Variants in VAV1 observed in about 807,000 individuals in gnomAD.
VAV1 encodes the protein proto-oncogene vav.
Under a neutral mutation model 128.1 loss-of-function variants are expected in VAV1, and 33 were observed. The ratio of observed to expected loss-of-function variants is 0.26; its 90% confidence interval spans 0.20 to 0.34. VAV1 has a LOEUF of 0.34. VAV1 is among the 10% of genes least tolerant of loss of function. The probability of loss-of-function intolerance (pLI) is 1.00; values close to 1 mark genes in which losing one functional copy is unlikely to be tolerated. For synonymous variants in VAV1, 394 were observed against 409.8 expected (o/e 0.96, Z 0.47); for missense variants, 715 against 1,093.7 (o/e 0.65, Z 4.88).
At chr19:6,842,037 C>T (rs926977290) in intron 21 of VAV1, among the ~76,000 whole-genome samples, 13 of 151,598 alleles carry the variant, frequency 8.6e-5, no homozygotes, top group African/African-American at 2.9e-4. Flanking sequence ...ACCAGCCCGA[C>T]CAACATGGAA....
intron 1 of VAV1, among the ~76,000 whole-genome samples, chr19:6,813,793 CCTGTAATCTCAGCA>C (rs1434724980): frequency 1.3e-4 from 20 of 152,080 alleles, no homozygotes; most frequent in African/African-American, 4.3e-4. Flanking sequence ...GTGGCTCATA[CCTGTAATCTCAGCA>C]CTTTGAGAGC....
chr19:6,847,259 T>C (rs1489339623), intron 22 of VAV1, among the ~76,000 whole-genome samples: 1 of 152,178 alleles, frequency 6.6e-6, no homozygotes, highest in Non-Finnish European at 1.5e-5. Flanking sequence ...CACTGCCGTT[T>C]AGCTCCAAAA....
At position 6,814,675 on chromosome 19, in the gene VAV1, T is replaced by TTC. The variant is rs1568299213; in HGVS notation, c.205-6027_205-6026insTC. On this transcript the variant is annotated intron_variant, in intron 1 of 26. Transcript: ENST00000602142. The stretch of plus-strand genomic sequence containing the variant: ...TCCTTCCTTCCTTCCTTCCTTCCTT[T>TTC]CTTTCTTTCTTTCTTTCTTTCTTTC... Among the ~76,000 whole-genome samples, 356 of 76,898 alleles carry TTC rather than the reference T, an allele frequency of 4.6e-3. 1 individual carries two copies. Among genetic ancestry groups the TTC allele is most frequent in the African/African-American group, 0.017 (219 of 12,550 alleles). The allele number at this position is 76,898 out of a possible 152,430, so 50.4% of individuals were successfully genotyped here.
In VAV1 at chr19:6,828,452, A is replaced by G. The variant is rs746412253; in HGVS notation, c.1057A>G (p.Lys353Glu). Residue 353 changes from lysine to glutamate, a missense_variant, in exon 11 of 27, where the codon AAG (lysine) becomes GAG (glutamate). Lys to Glu is a moderately conservative substitution (Grantham distance 56). Coordinates refer to ENST00000602142, the MANE Select transcript of VAV1 (RefSeq NM_005428.4). The surrounding 1 kb of genome is among the most constrained non-coding windows in gnomAD (Gnocchi z 4.5). The stretch of plus-strand genomic sequence containing the variant: ...GAAACACACGCAGGAGGCGATGGAG[A>G]AGGAGAACCTGCGGCTGGCCCTGGA... ...LVKHTQEAMEKENLRLALDAM... is the reference protein window; with the variant it reads ...LVKHTQEAMEEENLRLALDAM... The G allele has an allele frequency of 5.6e-6, 9 of 1,613,968 alleles. No homozygotes were observed.
chr19:6,856,166 G>A lies in VAV1; in HGVS notation c.2485-888G>A, dbSNP rs1037265586. ...AAAAAAATTAGCTGGGCATTGTGGC[G>A]TGCGCCTCTAATCCCAGGTACTCGT... On this transcript the variant is annotated intron_variant, in intron 26 of 26. Transcript: ENST00000602142. Among the ~76,000 whole-genome samples, 42 of 152,092 alleles carry A rather than the reference G, an allele frequency of 2.8e-4. 1 individual carries two copies. The highest frequency in any genetic ancestry group is 7.4e-5 in the Non-Finnish European group (5 of 68,014).
chr19:6,820,906 C>A lies in VAV1; in HGVS notation c.321+88C>A. ...GGGCAAGCTAAGGACTGTCAGGGGA[C>A]AGGCAGACAAGCCAGACCAGGCCAT... is the stretch of plus-strand genomic sequence containing the variant. On this transcript the variant is annotated intron_variant, in intron 2 of 26. Transcript: ENST00000602142. This position sits in a 1 kb window ranked among gnomAD's most constrained non-coding sequence, Gnocchi z 4.4. 2.3e-6 allele frequency: 3 copies of A among 1,298,610 alleles called. No homozygotes were observed. The highest frequency in any genetic ancestry group is 1.2e-5 in the South Asian group (1 of 83,110). 80.4% of individuals were successfully genotyped at this position (1,298,610 alleles called of 1,614,324 possible). A position where few individuals can be genotyped will look rare whatever the true frequency, so the allele number is the denominator to read the frequency against.
At chr19:6,837,769 G>T (rs1972257011) in intron 21 of VAV1, among the ~76,000 whole-genome samples, 1 of 152,010 alleles carries the variant, frequency 6.6e-6, no homozygotes. Flanking sequence ...TATTTTTCCT[G>T]GAAGAGTTAA....
chr19:6,817,941 C>T (rs973398133), intron 1 of VAV1, among the ~76,000 whole-genome samples: 1 of 152,202 alleles, frequency 6.6e-6, no homozygotes, highest in Non-Finnish European at 1.5e-5. Flanking sequence ...CCGCCTCGGC[C>T]TCCCAAAGTG....
chr19:6,838,722 T>G (rs766968161), intron 21 of VAV1, among the ~76,000 whole-genome samples: 5 of 152,068 alleles, frequency 3.3e-5, no homozygotes, highest in African/African-American at 1.2e-4. Context: ...CTATTCTATC[T>G]ATCTATCTCT....
At chr19:6,849,401 G>A (rs1441609818) in intron 23 of VAV1, among the ~76,000 whole-genome samples, 1 of 141,362 alleles carries the variant, frequency 7.1e-6, no homozygotes, top group Non-Finnish European at 1.5e-5. Context: ...CGAGTCTTCT[G>A]CCTCAGCCTC....
At chr19:6,816,326 A>T (rs1057059529) in intron 1 of VAV1, 1 of 151,978 alleles carries the variant, frequency 6.6e-6, no homozygotes, top group African/African-American at 2.4e-5. Flanking sequence ...GGCTACAAAA[A>T]CATTTTTAAA....
chr19:6,802,301 T>A (rs1971293061), intron 1 of VAV1, among the ~76,000 whole-genome samples: 1 of 151,984 alleles, frequency 6.6e-6, no homozygotes, highest in South Asian at 2.1e-4. Flanking sequence ...GTAACAAACC[T>A]GCACGTTGTG....
At chr19:6,798,005 C>T (rs1464465051) in intron 1 of VAV1, among the ~76,000 whole-genome samples, 5 of 151,670 alleles carry the variant, frequency 3.3e-5, no homozygotes, top group South Asian at 2.1e-4. Context: ...TGGTGGGGCG[C>T]GGTGGCTCAC....
Position 6,772,739 on chromosome 19 carries a change from G to C in VAV1, c.-69G>C. 1 of 1,524,356 alleles carries C rather than the reference G, an allele frequency of 6.6e-7. No individual in the cohort carries two copies. The highest frequency in any genetic ancestry group is 1.8e-5 in the Admixed American group (1 of 55,246). 94.4% of individuals were successfully genotyped at this position (1,524,356 alleles called of 1,614,324 possible). On this transcript the variant is annotated 5_prime_UTR_variant, in exon 1 of 27. Transcript: ENST00000602142. The surrounding 1 kb of genome is among the most constrained non-coding windows in gnomAD (Gnocchi z 4.8). ...AGCTGTCGCTCCACAGGCGAGCAGGGCAGGCGTGCGGGCGGGTGGGTGGTG... is the reference window on the plus strand; with the variant it reads ...AGCTGTCGCTCCACAGGCGAGCAGGCCAGGCGTGCGGGCGGGTGGGTGGTG...
chr19:6,814,716 C>CTTTCTTTCTTTCTT, intron 1 of VAV1, among the ~76,000 whole-genome samples: 1 of 132,106 alleles, frequency 7.6e-6, no homozygotes, highest in East Asian at 2.1e-4. Context: ...TTCTTTCTTT[C>CTTTCTTTCTTTCTT]TTTCTTTCTT....
chr19:6,796,181 A>G (rs1971130762), intron 1 of VAV1, among the ~76,000 whole-genome samples: 1 of 152,148 alleles, frequency 6.6e-6, no homozygotes, highest in Non-Finnish European at 1.5e-5. Context: ...CATTCAAACC[A>G]TAGCAGCGTT....
At chr19:6,843,242 T>C in intron 22 of VAV1, 76 bp downstream of exon 22, 1 of 1,515,990 alleles carries the variant, frequency 6.6e-7, no homozygotes, top group Non-Finnish European at 9.2e-7. Flanking sequence ...GGGAGGAACC[T>C]CCGAGCCAAT....
chr19:6,832,468 T>G (rs1972084262), intron 15 of VAV1, among the ~76,000 whole-genome samples: 1 of 151,458 alleles, frequency 6.6e-6, no homozygotes. Context: ...CTCCTCCTTC[T>G]GGTTTCCTTC....
chr19:6,829,906 A>T lies in VAV1; in HGVS notation c.1386A>T (p.Arg462=). The T allele has an allele frequency of 6.2e-7, 1 of 1,614,174 alleles. No individual in the cohort carries two copies. The highest frequency in any genetic ancestry group is 8.5e-7 in the Non-Finnish European group (1 of 1,180,024). ...TTCGGGATGACTCTTCAGGAGACCG[A>T]GACAACAAGAAGGTGGGGCTTTGAC... ...FQVRDDSSGD[R]DNKKWSHMFL... The change falls in exon 14 of 27, where the codon CGA becomes CGT. Residue 462 remains arginine (R), a synonymous_variant. Transcript: ENST00000602142.
Sources: gnomAD v4.1 joint callset for allele counts (sites outside exome capture counted in the v4.1 genomes callset) on GRCh38, gnomAD v4.1.1 for gene constraint, Gnocchi (gnomAD v3.1) non-coding constraint, MANE v1.5 for transcripts, NCBI Gene and HGNC (gene_info 2026-07-23, HGNC 2026-07-21) for gene names.